DMD: variants seen among roughly 807,000 people sequenced by gnomAD.
The protein encoded by DMD is mutant dystrophin.
DMD carries 63 observed loss-of-function variants against 330.1 expected under a neutral mutation model. That is an observed-to-expected ratio of 0.19 (90% CI 0.16 to 0.24). DMD has a LOEUF of 0.24. DMD is among the 10% of genes least tolerant of loss of function. DMD has a pLI of 1.00. For missense variants in DMD, 3,344 were observed against 2,684.1 expected, an observed-to-expected ratio of 1.25 and a Z score of -5.43; for synonymous variants, 1,223 against 959.8, an observed-to-expected ratio of 1.27 and a Z score of -5.07.
intron 2 of DMD, among the ~76,000 whole-genome samples, chrX:32,992,640 C>A (rs2093006137): frequency 9.0e-6 from 1 of 110,631 alleles, no homozygotes; most frequent in African/African-American, 3.3e-5. Flanking sequence ...AGACTGTTGG[C>A]CAGGTGGGGT....
intron 1 of DMD, among the ~76,000 whole-genome samples, chrX:33,120,397 C>T (rs1416714190): frequency 9.0e-6 from 1 of 111,380 alleles, no homozygotes; most frequent in Admixed American, 9.6e-5. Flanking sequence ...GTACTTCCAT[C>T]CCCTCGTAGT....
intron 29 of DMD, among the ~76,000 whole-genome samples, chrX:32,435,299 T>TC (rs2098256536): frequency 9.9e-6 from 1 of 100,704 alleles, no homozygotes; most frequent in Non-Finnish European, 2.0e-5. Flanking sequence ...TATATATATT[T>TC]ACACCCATAC....
At chrX:31,750,384 C>A (rs1404372508) in intron 51 of DMD, among the ~76,000 whole-genome samples, 1 of 108,611 alleles carries the variant, frequency 9.2e-6, no homozygotes, top group Non-Finnish European at 1.9e-5. Flanking sequence ...TTTCCCAGCA[C>A]CATTTATTAA....
chrX:31,779,169 C>G (rs770591049), intron 50 of DMD, among the ~76,000 whole-genome samples: 1 of 111,618 alleles, frequency 9.0e-6, no homozygotes, highest in Non-Finnish European at 1.9e-5. Context: ...CTAAGAGTGC[C>G]TGAATCCATA....
chrX:32,432,232 G>T (rs1603633352), intron 29 of DMD, among the ~76,000 whole-genome samples: 1 of 111,396 alleles, frequency 9.0e-6, no homozygotes, highest in East Asian at 2.8e-4. Flanking sequence ...TAGAACCCCA[G>T]TTTTATGTGG....
At chrX:32,553,727 A>T (rs886887792) in intron 16 of DMD, among the ~76,000 whole-genome samples, 1 of 111,871 alleles carries the variant, frequency 8.9e-6, no homozygotes, top group Non-Finnish European at 1.9e-5. Flanking sequence ...CTGTTATTTT[A>T]TGATATGGTT....
At position 31,588,843 on chromosome X, in the gene DMD, T is replaced by G. The variant is rs368795292; in HGVS notation, c.8217+38830A>C. On this transcript the variant is annotated intron_variant, in intron 55 of 78. Transcript: ENST00000357033. ...AAACTTTACTTTTTCCTTTTGTATA[T>G]TAATCCATTACTAGATAGCAAAGTC... Among the ~76,000 whole-genome samples the G allele has an allele frequency of 6.5e-5, 7 of 107,405 alleles. No homozygotes were observed. The East Asian group carries it at 1.4e-3, about 22-fold the overall frequency. The allele number at this position is 107,405 out of a possible 115,157, so 93.3% of individuals were successfully genotyped here.
At chrX:32,734,460 A>G (rs1375928955) in intron 7 of DMD, among the ~76,000 whole-genome samples, 2 of 107,767 alleles carry the variant, frequency 1.9e-5, no homozygotes, top group Admixed American at 9.9e-5. Context: ...AGACACAACC[A>G]AAAAAGAGAA....
At chrX:31,569,654 ATATACGTATATATACG>A (rs2147929792) in intron 55 of DMD, among the ~76,000 whole-genome samples, 1 of 101,211 alleles carries the variant, frequency 9.9e-6, no homozygotes, top group East Asian at 3.0e-4. Flanking sequence ...ATATACGTAT[ATATACGTATATATACG>A]TATATATATA....
intron 1 of DMD, among the ~76,000 whole-genome samples, chrX:33,189,483 G>A (rs942498748): frequency 9.0e-6 from 1 of 111,268 alleles, no homozygotes; most frequent in African/African-American, 3.3e-5. Context: ...CTCCATTGGC[G>A]GAGTCAATGG....
intron 20 of DMD, among the ~76,000 whole-genome samples, chrX:32,488,232 G>C (rs2042665066): frequency 8.9e-6 from 1 of 111,883 alleles, no homozygotes; most frequent in Admixed American, 9.5e-5. Flanking sequence ...TTCCATAAAA[G>C]GATTTGGTTT....
At chrX:32,858,932 C>T (rs1207754034) in intron 2 of DMD, among the ~76,000 whole-genome samples, 2 of 111,297 alleles carry the variant, frequency 1.8e-5, no homozygotes, top group Non-Finnish European at 3.8e-5. Flanking sequence ...AGGTCTCTCA[C>T]TCACTCACTA....
intron 55 of DMD, among the ~76,000 whole-genome samples, chrX:31,584,715 G>T (rs899391695): frequency 1.8e-5 from 2 of 111,431 alleles, no homozygotes; most frequent in Non-Finnish European, 3.8e-5. Flanking sequence ...ATCAGAAGAG[G>T]GAGAGAATTG....
At position 33,062,389 on chromosome X, in the gene DMD, CATT is replaced by C. The variant is rs778236052; in HGVS notation, c.32-42192_32-42190del. On this transcript the variant is annotated intron_variant, in intron 1 of 78. Transcript: ENST00000357033. ...AAGATCACTTTGTGCATTTAACTCT[CATT>C]ATGCATAATTGCATAACTGGACAAC... Among the ~76,000 whole-genome samples the C allele has an allele frequency of 9.0e-3, 1,018 of 112,510 alleles. 6 individuals are homozygous for C. Among genetic ancestry groups the C allele is most frequent in the Middle Eastern group, 0.023 (5 of 214 alleles).
intron 7 of DMD, among the ~76,000 whole-genome samples, chrX:32,720,696 G>C (rs1410293122): frequency 1.8e-5 from 2 of 111,633 alleles, no homozygotes; most frequent in East Asian, 5.6e-4. Context: ...TGAGGCGATA[G>C]ACATTTTAAC....
intron 1 of DMD, among the ~76,000 whole-genome samples, chrX:33,138,027 A>G (rs1265403333): frequency 9.0e-6 from 1 of 111,253 alleles, no homozygotes; most frequent in Non-Finnish European, 1.9e-5. Context: ...GGTAGGTGCT[A>G]TTATTAACTC....
At chrX:33,009,965 CATAT>C (rs1464109846) in intron 2 of DMD, among the ~76,000 whole-genome samples, 1 of 61,806 alleles carries the variant, frequency 1.6e-5, no homozygotes, top group Non-Finnish European at 2.9e-5. Context: ...TGTATATACA[CATAT>C]GTGTGTATAC....
At chrX:31,712,242 C>T (rs1164612401) in intron 52 of DMD, among the ~76,000 whole-genome samples, 1 of 111,515 alleles carries the variant, frequency 9.0e-6, no homozygotes, top group Non-Finnish European at 1.9e-5. Context: ...AGAAGTAATT[C>T]GCCACAATTG....
chrX:33,047,343 A>G (rs944448792), intron 1 of DMD, among the ~76,000 whole-genome samples: 6 of 111,305 alleles, frequency 5.4e-5, no homozygotes, highest in Non-Finnish European at 7.5e-5. Flanking sequence ...AATATATTCG[A>G]TTGTATTTTC....
Sources: gnomAD v4.1 joint callset for allele counts (sites outside exome capture counted in the v4.1 genomes callset) on GRCh38, gnomAD v4.1.1 for gene constraint, MANE v1.5 for transcripts, NCBI Gene and HGNC (gene_info 2026-07-23, HGNC 2026-07-21) for gene names.